WDPCP: variants seen among roughly 807,000 people sequenced by gnomAD.
The protein encoded by WDPCP is WD repeat-containing and planar cell polarity effector protein fritz homolog.
A neutral mutation model predicts 93.1 loss-of-function variants in WDPCP; 71 were observed. The observed-to-expected ratio is 0.76, with a 90% CI of 0.63 to 0.93. WDPCP has a LOEUF of 0.93. WDPCP is among the 40% of genes least tolerant of loss of function. The pLI, the probability that WDPCP is intolerant of heterozygous loss-of-function variation, is 0.00. For synonymous variants in WDPCP, 315 were observed against 315.0 expected (o/e 1.00, Z 0.00); for missense variants, 844 against 887.4 (o/e 0.95, Z 0.62).
intron 6 of WDPCP, chr2:63,440,120 G>A (rs1697408708): frequency 2.5e-6 from 1 of 403,612 alleles, no homozygotes; most frequent in Admixed American, 3.8e-5. Context: ...TTTAGGCCAT[G>A]TTTATTAGAA....
At chr2:63,514,830 T>A (rs187775084) in intron 1 of WDPCP, among the ~76,000 whole-genome samples, 1 of 152,286 alleles carries the variant, frequency 6.6e-6, no homozygotes, top group East Asian at 1.9e-4. Flanking sequence ...AGGGAGGGTT[T>A]ATATTTTAAG....
chr2:63,297,814 C>G (rs1358581289), intron 13 of WDPCP, among the ~76,000 whole-genome samples: 1 of 152,150 alleles, frequency 6.6e-6, no homozygotes, highest in Non-Finnish European at 1.5e-5. Flanking sequence ...TCAGTTTTAA[C>G]TAATGCACAG....
chr2:63,785,739 A>G (rs868287998), intron 2 of WDPCP, among the ~76,000 whole-genome samples: 1 of 152,158 alleles, frequency 6.6e-6, no homozygotes, highest in Non-Finnish European at 1.5e-5. Context: ...TCTGTCTCCA[A>G]ATTGGAGGCT....
intron 17 of WDPCP, among the ~76,000 whole-genome samples, chr2:63,146,456 G>A (rs193126641): frequency 6.7e-6 from 1 of 149,230 alleles, no homozygotes; most frequent in East Asian, 2.0e-4. Flanking sequence ...CCAGGCTGGA[G>A]TGCAGTCGTG....
intron 12 of WDPCP, among the ~76,000 whole-genome samples, chr2:63,332,766 T>A (rs1408780065): frequency 6.6e-6 from 1 of 152,272 alleles, no homozygotes; most frequent in East Asian, 1.9e-4. Flanking sequence ...TTTTTTATTC[T>A]TTATTTTTTC....
intron 3 of WDPCP, among the ~76,000 whole-genome samples, chr2:63,624,796 T>G (rs1489738869): frequency 6.6e-6 from 1 of 152,030 alleles, no homozygotes; most frequent in Non-Finnish European, 1.5e-5. Context: ...TTCCAAACAA[T>G]AGAAAAAGAG....
chr2:63,597,413 G>C (rs1310208916), intron 3 of WDPCP: 2 of 1,438,522 alleles, frequency 1.4e-6, no homozygotes, highest in South Asian at 1.6e-5. Context: ...CATCGCAACA[G>C]ATAAAGAAGA....
At chr2:63,594,880 TG>T (rs1395006781) in intron 3 of WDPCP, 1 of 301,990 alleles carries the variant, frequency 3.3e-6, no homozygotes, top group Admixed American at 4.8e-5. Context: ...TACAGTCATG[TG>T]GGAGAGAGTT....
intron 12 of WDPCP, among the ~76,000 whole-genome samples, chr2:63,367,010 C>A (rs1169377257): frequency 6.6e-6 from 1 of 151,440 alleles, no homozygotes; most frequent in Non-Finnish European, 1.5e-5. Flanking sequence ...CTTTCACTAG[C>A]ACACATTAAA....
chr2:63,508,103 C>T (rs938566815), intron 1 of WDPCP, among the ~76,000 whole-genome samples: 4 of 151,970 alleles, frequency 2.6e-5, no homozygotes, highest in African/African-American at 7.3e-5. Context: ...AGATGCTCCT[C>T]GAGAAGAGCA....
chr2:63,514,946 T>C (rs1022780361), intron 1 of WDPCP, among the ~76,000 whole-genome samples: 19 of 152,104 alleles, frequency 1.2e-4, no homozygotes, highest in African/African-American at 4.6e-4. Context: ...GGGCTGCAAA[T>C]AACACAGCAT....
chr2:63,401,077 A>G (rs1365274666), intron 10 of WDPCP, among the ~76,000 whole-genome samples: 2 of 152,226 alleles, frequency 1.3e-5, no homozygotes, highest in Non-Finnish European at 2.9e-5. Flanking sequence ...TTCAGGACAC[A>G]GGCATGAGCA....
chr2:63,598,221 C>G (rs1426430354), intron 3 of WDPCP: 1 of 152,134 alleles, frequency 6.6e-6, no homozygotes, highest in Non-Finnish European at 1.5e-5. Flanking sequence ...CTCTGCCTCC[C>G]GGGTTCAAGC....
chr2:63,306,605 G>A (rs1000057685), intron 13 of WDPCP, among the ~76,000 whole-genome samples: 7 of 152,066 alleles, frequency 4.6e-5, no homozygotes, highest in Non-Finnish European at 5.9e-5. Context: ...ATAAATAAAC[G>A]TAATCCATCA....
intron 10 of WDPCP, among the ~76,000 whole-genome samples, chr2:63,395,504 C>T (rs1693645230): frequency 6.6e-6 from 1 of 152,128 alleles, no homozygotes; most frequent in Non-Finnish European, 1.5e-5. Flanking sequence ...GTTTTACAGC[C>T]ATTTCACTTA....
At chr2:63,257,177 C>T (rs950704032) in intron 14 of WDPCP, among the ~76,000 whole-genome samples, 5 of 152,120 alleles carry the variant, frequency 3.3e-5, no homozygotes, top group African/African-American at 4.8e-5. Context: ...ATGTCTGATG[C>T]TTTTTTACAG....
chr2:63,376,585 T>G (rs561045592), intron 12 of WDPCP, among the ~76,000 whole-genome samples: 8 of 152,034 alleles, frequency 5.3e-5, no homozygotes, highest in Admixed American at 2.0e-4. Flanking sequence ...ACTTTCACCT[T>G]TTTGGGCTCT....
chr2:63,778,083 A>G (rs1473622922), intron 2 of WDPCP, among the ~76,000 whole-genome samples: 1 of 152,252 alleles, frequency 6.6e-6, no homozygotes, highest in Admixed American at 6.5e-5. Flanking sequence ...CACCTGACCC[A>G]TTCTGTGCTA....
At chr2:63,326,345 T>C (rs781655662) in intron 12 of WDPCP, among the ~76,000 whole-genome samples, 1 of 152,142 alleles carries the variant, frequency 6.6e-6, no homozygotes, top group Admixed American at 6.5e-5. Flanking sequence ...TATATGTTGA[T>C]GGAGGTTCGT....
Sources: gnomAD v4.1 joint callset for allele counts (sites outside exome capture counted in the v4.1 genomes callset) on GRCh38, gnomAD v4.1.1 for gene constraint, MANE v1.5 for transcripts, NCBI Gene and HGNC (gene_info 2026-07-23, HGNC 2026-07-21) for gene names.